The following HDAC8 variants were observed in gnomAD, a reference collection of about 807,000 sequenced individuals.
HDAC8 encodes histone deacetylase-like 1.
HDAC8 carries 1 observed loss-of-function variant against 32.2 expected under a neutral mutation model. The observed-to-expected ratio is 0.03, with a 90% CI of 0.01 to 0.15. The LOEUF (loss-of-function observed/expected upper bound fraction) is 0.15. Ranked by LOEUF, HDAC8 falls within the 10% of genes least tolerant of loss-of-function variation. The pLI is 1.00. For missense variants in HDAC8, 117 were observed against 300.0 expected (o/e 0.39, Z 4.51); for synonymous variants, 108 against 113.9 (o/e 0.95, Z 0.33).
chrX:72,377,767 T>A (rs1555958651), intron 9 of HDAC8, among the ~76,000 whole-genome samples: 1 of 111,556 alleles, frequency 9.0e-6, no homozygotes, highest in African/African-American at 3.3e-5. Flanking sequence ...ATTTGACCAA[T>A]CTCTAATTTT....
At chrX:72,439,124 A>T (rs1350239066) in intron 9 of HDAC8, among the ~76,000 whole-genome samples, 1 of 111,891 alleles carries the variant, frequency 8.9e-6, no homozygotes, top group Non-Finnish European at 1.9e-5. Flanking sequence ...TCTCTGCAAA[A>T]CTCTACAAGC....
chrX:72,489,276 T>C, intron 6 of HDAC8: 1 of 472,755 alleles, frequency 2.1e-6, no homozygotes, highest in Non-Finnish European at 3.8e-6. Context: ...TTGCTTGGCT[T>C]CATGCTTTTT....
At chrX:72,491,611 C>T (rs1385020755) in intron 5 of HDAC8, among the ~76,000 whole-genome samples, 4 of 111,830 alleles carry the variant, frequency 3.6e-5, no homozygotes, top group Admixed American at 9.5e-5. Context: ...TGAAAACAGC[C>T]GTGACCTTGT....
At chrX:72,546,001 CAGAGCCCTTT>C (rs2050852010) in intron 4 of HDAC8, among the ~76,000 whole-genome samples, 1 of 111,778 alleles carries the variant, frequency 8.9e-6, no homozygotes, top group South Asian at 3.8e-4. Context: ...ACACTGTGCA[CAGAGCCCTTT>C]GGGGAACTGG....
chrX:72,534,619 A>C (rs1158568707), intron 4 of HDAC8, among the ~76,000 whole-genome samples: 1 of 111,724 alleles, frequency 9.0e-6, no homozygotes, highest in Non-Finnish European at 1.9e-5. Context: ...CCTAGCAATA[A>C]ATTTAGCAAA....
intron 9 of HDAC8, among the ~76,000 whole-genome samples, chrX:72,437,693 G>A (rs1169166022): frequency 8.9e-6 from 1 of 111,897 alleles, no homozygotes; most frequent in Non-Finnish European, 1.9e-5. Flanking sequence ...TGAGTAGGCG[G>A]TTTTCCACTC....
intron 9 of HDAC8, among the ~76,000 whole-genome samples, chrX:72,436,425 G>A (rs1020859291): frequency 2.4e-4 from 27 of 111,212 alleles, no homozygotes; most frequent in African/African-American, 7.5e-4. Flanking sequence ...TTTTAAGTGC[G>A]GAAAGAAAAG....
chrX:72,516,363 C>T (rs1286992073), intron 4 of HDAC8, among the ~76,000 whole-genome samples: 2 of 109,660 alleles, frequency 1.8e-5, no homozygotes, highest in Non-Finnish European at 3.8e-5. Context: ...TCACAGTCAC[C>T]GGGAAAGCTG....
At chrX:72,398,128 A>AT (rs1402972895) in intron 9 of HDAC8, among the ~76,000 whole-genome samples, 4 of 111,257 alleles carry the variant, frequency 3.6e-5, no homozygotes, top group South Asian at 3.7e-4. Context: ...AAATTACATT[A>AT]TTTTTTTTCC....
intron 9 of HDAC8, among the ~76,000 whole-genome samples, chrX:72,415,450 T>C (rs1373539758): frequency 8.9e-6 from 1 of 112,269 alleles, no homozygotes; most frequent in East Asian, 2.8e-4. Flanking sequence ...ACCATAATCT[T>C]GTCTATATCT....
chrX:72,555,095 G>A (rs2051238528), intron 4 of HDAC8, among the ~76,000 whole-genome samples: 1 of 112,325 alleles, frequency 8.9e-6, no homozygotes, highest in African/African-American at 3.2e-5. Flanking sequence ...ACACTCCCCA[G>A]TACCAGGCCA....
chrX:72,355,715 T>C (rs1555950548), intron 9 of HDAC8, among the ~76,000 whole-genome samples: 1 of 111,865 alleles, frequency 8.9e-6, no homozygotes, highest in East Asian at 2.8e-4. Flanking sequence ...ACTCACACAG[T>C]GAAAGCGGCA....
chrX:72,526,884 T>C (rs1174742038), intron 4 of HDAC8, among the ~76,000 whole-genome samples: 2 of 111,375 alleles, frequency 1.8e-5, no homozygotes, highest in African/African-American at 6.5e-5. Context: ...TCTTATTTCC[T>C]CTGCCATTGG....
chrX:72,570,052 G>A (rs1205869140), intron 2 of HDAC8, among the ~76,000 whole-genome samples: 1 of 111,989 alleles, frequency 8.9e-6, no homozygotes. Context: ...GAATGAATAC[G>A]ACTATACAGG....
intron 4 of HDAC8, among the ~76,000 whole-genome samples, chrX:72,520,042 T>C (rs1235046469): frequency 8.9e-6 from 1 of 112,431 alleles, no homozygotes; most frequent in Non-Finnish European, 1.9e-5. Context: ...TTTTTCCTAG[T>C]CTGTAGCTTG....
chrX:72,532,618 C>A lies in HDAC8; in HGVS notation c.437+35271G>T, dbSNP rs1259629231. 2.7e-5 allele frequency among the ~76,000 whole-genome samples: 3 copies of A among 109,821 alleles called. No homozygotes were observed. The Admixed American group carries it at 2.9e-4, about 11-fold the overall frequency. On this transcript the variant is annotated intron_variant, in intron 4 of 10. Coordinates refer to ENST00000373573, the MANE Select transcript of HDAC8 (RefSeq NM_018486.3). Reference sequence around the variant, plus strand: ...CCTTAGCTCATCATTTCCCTGATGACTAATGATGCTGAACATCTTTAATGC... The same window carrying A: ...CCTTAGCTCATCATTTCCCTGATGAATAATGATGCTGAACATCTTTAATGC...
chrX:72,357,121 T>C (rs2044392817), intron 9 of HDAC8, among the ~76,000 whole-genome samples: 1 of 108,828 alleles, frequency 9.2e-6, no homozygotes, highest in Non-Finnish European at 1.9e-5. Flanking sequence ...AAACAGTAAA[T>C]TGCATGTGGG....
At chrX:72,398,282 G>C (rs1379349775) in intron 9 of HDAC8, among the ~76,000 whole-genome samples, 5 of 111,330 alleles carry the variant, frequency 4.5e-5, no homozygotes, top group Admixed American at 9.6e-5. Flanking sequence ...TCTGTGAAAG[G>C]CTTGTTCATA....
At chrX:72,453,682 C>A in intron 9 of HDAC8, among the ~76,000 whole-genome samples, 1 of 111,262 alleles carries the variant, frequency 9.0e-6, no homozygotes, top group Middle Eastern at 4.6e-3. Context: ...AAACTATAAA[C>A]CCACAGATCC....
Sources: allele counts gnomAD v4.1 joint callset (sites outside exome capture counted in the v4.1 genomes callset), GRCh38; gene constraint gnomAD v4.1.1; transcripts MANE v1.5; gene names NCBI Gene and HGNC (gene_info 2026-07-23, HGNC 2026-07-21).